Variants in PLCB1 observed in about 807,000 individuals in gnomAD.
PLCB1 encodes the protein 1-phosphatidylinositol 4,5-bisphosphate phosphodiesterase beta-1.
In PLCB1, 46 loss-of-function variants were observed where a neutral mutation model predicts 161.8. The ratio of observed to expected loss-of-function variants is 0.28; its 90% CI spans 0.22 to 0.36. The LOEUF is 0.36. Ranked by LOEUF, PLCB1 falls within the 10% of genes least tolerant of loss-of-function variation. The pLI, the probability that PLCB1 is intolerant of heterozygous loss-of-function variation, is 1.00. For synonymous variants in PLCB1, 517 were observed against 503.7 expected (o/e 1.03, Z -0.35); for missense variants, 1,016 against 1,472.5 (o/e 0.69, Z 5.07).
intron 27 of PLCB1, among the ~76,000 whole-genome samples, chr20:8,779,135 G>A (rs1024584966): frequency 3.3e-5 from 5 of 152,098 alleles, no homozygotes; most frequent in East Asian, 1.9e-4. Context: ...AAATACCAAC[G>A]TGCTTTGGTT....
intron 2 of PLCB1, among the ~76,000 whole-genome samples, chr20:8,232,299 T>C (rs1703224656): frequency 6.6e-6 from 1 of 152,108 alleles, no homozygotes; most frequent in Non-Finnish European, 1.5e-5. Flanking sequence ...CTGGACACTT[T>C]CCTTAGGTCC....
At chr20:8,819,410 T>G (rs907791471) in intron 31 of PLCB1, among the ~76,000 whole-genome samples, 1 of 152,192 alleles carries the variant, frequency 6.6e-6, no homozygotes, top group African/African-American at 2.4e-5. Flanking sequence ...ACTATAAATC[T>G]TTAGAATATT....
At chr20:8,267,143 AC>A (rs772582834) in intron 2 of PLCB1, among the ~76,000 whole-genome samples, 9 of 152,162 alleles carry the variant, frequency 5.9e-5, no homozygotes, top group Non-Finnish European at 1.0e-4. Flanking sequence ...CTTCAGTGAT[AC>A]CTTCTAATGG....
intron 13 of PLCB1, among the ~76,000 whole-genome samples, 155 bp from the exon 14 acceptor site, chr20:8,717,516 G>A (rs1355854529): frequency 6.6e-6 from 1 of 152,088 alleles, no homozygotes; most frequent in East Asian, 1.9e-4. Context: ...AAAAAAATTA[G>A]CTCCCATGTA....
At chr20:8,438,281 T>G (rs944252037) in intron 3 of PLCB1, among the ~76,000 whole-genome samples, 1 of 152,200 alleles carries the variant, frequency 6.6e-6, no homozygotes, top group African/African-American at 2.4e-5. Context: ...ATTTCCATAT[T>G]ATATACATAC....
At chr20:8,823,446 C>T (rs1248649252) in intron 31 of PLCB1, among the ~76,000 whole-genome samples, 2 of 152,156 alleles carry the variant, frequency 1.3e-5, no homozygotes, top group Non-Finnish European at 2.9e-5. Flanking sequence ...CTGCCTGCAC[C>T]ACTTTAAATA....
intron 2 of PLCB1, among the ~76,000 whole-genome samples, chr20:8,200,454 A>G (rs1203901186): frequency 2.0e-5 from 3 of 152,060 alleles, no homozygotes; most frequent in African/African-American, 7.2e-5. Context: ...AACTAACTTT[A>G]TTAAGTCCTT....
intron 31 of PLCB1, among the ~76,000 whole-genome samples, chr20:8,857,483 G>C (rs1987107701): frequency 6.6e-6 from 1 of 152,166 alleles, no homozygotes; most frequent in Non-Finnish European, 1.5e-5. Context: ...ATGTCCAGTT[G>C]ATTGCTGTTT....
At chr20:8,636,723 G>A (rs532512371) in intron 4 of PLCB1, among the ~76,000 whole-genome samples, 2 of 152,256 alleles carry the variant, frequency 1.3e-5, no homozygotes, top group South Asian at 4.1e-4. Context: ...GAGCCAGAGA[G>A]TGCTCAATGG....
chr20:8,403,688 A>T lies in PLCB1; in HGVS notation c.246+32238A>T, dbSNP rs554761348. On this transcript the variant is annotated intron_variant, in intron 3 of 31. Transcript: ENST00000338037. ...AGCAGGAGGATCACTTGAGCCCAGG[A>T]AGTTGAGGCTTCAGTGAGCTCTGAT... Among the ~76,000 whole-genome samples, 3 of 152,302 alleles carry T rather than the reference A, an allele frequency of 2.0e-5. No individual in the cohort carries two copies. In the East Asian group the frequency reaches 5.8e-4, roughly 29 times the overall value.
chr20:8,366,542 C>T (rs1242393733), intron 2 of PLCB1, among the ~76,000 whole-genome samples: 1 of 152,180 alleles, frequency 6.6e-6, no homozygotes, highest in Non-Finnish European at 1.5e-5. Flanking sequence ...TCGAGGGATT[C>T]ACACCAAGTG....
intron 1 of PLCB1, among the ~76,000 whole-genome samples, chr20:8,149,986 G>A (rs999661845): frequency 1.3e-5 from 2 of 152,016 alleles, no homozygotes; most frequent in African/African-American, 4.8e-5. Flanking sequence ...AAGTAATGAT[G>A]TTTAGTGTTA....
intron 31 of PLCB1, among the ~76,000 whole-genome samples, chr20:8,869,290 A>T (rs1987534550): frequency 6.6e-6 from 1 of 152,154 alleles, no homozygotes; most frequent in Admixed American, 6.6e-5. Flanking sequence ...CTAATTCACA[A>T]TCATTTTTAT....
intron 3 of PLCB1, among the ~76,000 whole-genome samples, chr20:8,460,759 C>G (rs1376060423): frequency 2.6e-5 from 4 of 152,148 alleles, no homozygotes; most frequent in African/African-American, 9.6e-5. Context: ...AAGCTTTTTT[C>G]TAAAGCCCCC....
intron 2 of PLCB1, among the ~76,000 whole-genome samples, chr20:8,199,419 C>T (rs2052065678): frequency 6.6e-6 from 1 of 152,136 alleles, no homozygotes; most frequent in Non-Finnish European, 1.5e-5. Context: ...GCTCCAATTT[C>T]AACTTCCACC....
rs543738218 is a variant in PLCB1 at position 8,773,980 on chromosome 20, A to C, written c.2931-559A>C. ...CAGAGCAAGACTCTGTCTCAACAAC[A>C]ACAATAAAATTGTTAAGAAACAGAA... On this transcript the variant is annotated intron_variant, in intron 26 of 31. Coordinates refer to ENST00000338037, the MANE Select transcript of PLCB1 (RefSeq NM_015192.4). Among the ~76,000 whole-genome samples the C allele has an allele frequency of 2.6e-5, 4 of 152,272 alleles. No individual in the cohort carries two copies. In the East Asian group the frequency reaches 5.8e-4, roughly 22 times the overall value.
intron 2 of PLCB1, among the ~76,000 whole-genome samples, chr20:8,185,496 TG>T (rs1309055400): frequency 6.6e-6 from 1 of 151,976 alleles, no homozygotes; most frequent in Non-Finnish European, 1.5e-5. Context: ...TAAGGTATGT[TG>T]ATCGGTAAAA....
Position 8,810,337 on chromosome 20 carries a change from G to A in PLCB1, c.3423+20076G>A, listed in dbSNP as rs534884453. 1.5e-4 allele frequency among the ~76,000 whole-genome samples: 23 copies of A among 152,172 alleles called. 1 individual carries two copies. Among genetic ancestry groups the A allele is most frequent in the East Asian group, 3.9e-4 (2 of 5,172 alleles). On this transcript the variant is annotated intron_variant, in intron 31 of 31. Transcript: ENST00000338037. Reference sequence around the variant, plus strand: ...GTTTCCTGCCCTGGCCTTTCACTTCGGATGTACACCATAGTACGTGTGTTT... The same window carrying A: ...GTTTCCTGCCCTGGCCTTTCACTTCAGATGTACACCATAGTACGTGTGTTT...
At chr20:8,304,855 G>C (rs1195834677) in intron 2 of PLCB1, among the ~76,000 whole-genome samples, 7 of 152,024 alleles carry the variant, frequency 4.6e-5, no homozygotes, top group South Asian at 4.1e-4. Context: ...TTGCTCACCA[G>C]GATCTGAATC....
Sources: allele counts gnomAD v4.1 joint callset (sites outside exome capture counted in the v4.1 genomes callset), GRCh38; gene constraint gnomAD v4.1.1; transcripts MANE v1.5; gene names NCBI Gene and HGNC (gene_info 2026-07-23, HGNC 2026-07-21).